The following APLP2 variants were observed in gnomAD, a reference collection of about 807,000 sequenced individuals.
The protein encoded by APLP2 is amyloid beta precursor like protein 2, also known as CDEI box-binding protein.
In APLP2, 53 loss-of-function variants were observed where a neutral mutation model predicts 89.9. That is an observed-to-expected ratio of 0.59 (90% confidence interval 0.47 to 0.74). The LOEUF (loss-of-function observed/expected upper bound fraction) is 0.74. Among genes scored for constraint, APLP2 ranks in the 30% least tolerant of loss-of-function variants. The probability of loss-of-function intolerance (pLI) is 0.00; values close to 1 mark genes in which losing one functional copy is unlikely to be tolerated. For synonymous variants in APLP2, 372 were observed against 348.6 expected (o/e 1.07, Z -0.75); for missense variants, 973 against 975.9 (o/e 1.00, Z 0.04).
chr11:130,133,673 C>T lies in APLP2; in HGVS notation c.1629C>T (p.Ser543=), dbSNP rs774255450. 1 of 1,614,156 alleles carries T rather than the reference C, an allele frequency of 6.2e-7. No individual in the cohort carries two copies. Among genetic ancestry groups the T allele is most frequent in the Non-Finnish European group, 8.5e-7 (1 of 1,179,996 alleles). The change falls in exon 12 of 17, where the codon AGC becomes AGT. Residue 543 remains serine, a synonymous_variant. Coordinates refer to ENST00000338167, the MANE Select transcript of APLP2 (RefSeq NM_001142276.2). The part of the protein sequence containing the change: ...LHVIEERRNQ[S]LSLLYKVPYV... Reference sequence around the variant, plus strand: ...TGATTGAAGAAAGGAGGAACCAAAGCCTCTCTCTGCTCTACAAAGTACCTT... The same window carrying T: ...TGATTGAAGAAAGGAGGAACCAAAGTCTCTCTCTGCTCTACAAAGTACCTT...
At chr11:130,100,475 A>G (rs1442398405) in intron 1 of APLP2, 3 of 151,956 alleles carry the variant, frequency 2.0e-5, no homozygotes, top group Non-Finnish European at 4.4e-5. Context: ...AAAGTATTTT[A>G]TGTATTTGTA....
At chr11:130,090,680 G>A (rs1194631151) in intron 1 of APLP2, among the ~76,000 whole-genome samples, 1 of 152,106 alleles carries the variant, frequency 6.6e-6, no homozygotes, top group Non-Finnish European at 1.5e-5. Context: ...CACAGACACG[G>A]CAACCATCCG....
rs376526065 is a variant in APLP2 at position 130,122,291 on chromosome 11, A to C, written c.714-14A>C. 2 of 1,609,836 alleles carry C rather than the reference A, an allele frequency of 1.2e-6. No individual in the cohort carries two copies. Among genetic ancestry groups the C allele is most frequent in the African/African-American group, 1.3e-5 (1 of 74,494 alleles). ...GAGCTATTAACCTTCCTTTTTTTCT[A>C]TTTTGGCCTTCAGTGAATTTCCTAC... is the stretch of plus-strand genomic sequence containing the variant. On this transcript the variant is annotated splice_polypyrimidine_tract_variant and intron_variant, in intron 5 of 16. Coordinates refer to ENST00000338167, the MANE Select transcript of APLP2 (RefSeq NM_001142276.2).
At chr11:130,127,948 A>G in intron 9 of APLP2, 108 bp downstream of exon 9, 1 of 874,992 alleles carries the variant, frequency 1.1e-6, no homozygotes, top group Non-Finnish European at 1.8e-6. Flanking sequence ...CTTTTAGGTG[A>G]GGGCTTACAA....
chr11:130,126,772 C>T lies in APLP2; in HGVS notation c.1163C>T (p.Ala388Val), dbSNP rs149448578. 1.2e-6 allele frequency: 2 copies of T among 1,614,096 alleles called. No individual in the cohort carries two copies. Among genetic ancestry groups the T allele is most frequent in the African/African-American group, 1.3e-5 (1 of 74,932 alleles). Reference protein sequence around the residue: ...FETSADDNEHARFQKAKEQLE... With the variant: ...FETSADDNEHVRFQKAKEQLE... ...ACCTCTGCAGATGATAATGAGCATG[C>T]TCGCTTCCAGAAGGCTAAGGAGCAG... The change falls in exon 8 of 17, where the codon GCT becomes GTT. Residue 388 changes from alanine (A) to valine (V), a missense_variant. Coordinates refer to ENST00000338167, the MANE Select transcript of APLP2 (RefSeq NM_001142276.2).
intron 1 of APLP2, among the ~76,000 whole-genome samples, chr11:130,094,489 G>A (rs984721382): frequency 6.6e-6 from 1 of 152,092 alleles, no homozygotes; most frequent in Non-Finnish European, 1.5e-5. Flanking sequence ...GCACCTGGCC[G>A]GGATTTACTT....
chr11:130,088,499 G>C (rs1014517216), intron 1 of APLP2, among the ~76,000 whole-genome samples: 2 of 151,974 alleles, frequency 1.3e-5, no homozygotes, highest in African/African-American at 4.8e-5. Flanking sequence ...AAGAAGGTTT[G>C]TAGAGCAAGC....
intron 7 of APLP2, among the ~76,000 whole-genome samples, chr11:130,125,237 G>A (rs867653799): frequency 1.3e-5 from 2 of 152,140 alleles, no homozygotes; most frequent in South Asian, 2.1e-4. Flanking sequence ...AAAGCATTTC[G>A]GCCCGCTGTC....
At chr11:130,078,696 C>T (rs1942579517) in intron 1 of APLP2, among the ~76,000 whole-genome samples, 1 of 151,970 alleles carries the variant, frequency 6.6e-6, no homozygotes, top group South Asian at 2.1e-4. Context: ...GATATCTGGC[C>T]TGCACCATTT....
At chr11:130,088,459 A>T (rs1396807063) in intron 1 of APLP2, among the ~76,000 whole-genome samples, 1 of 152,116 alleles carries the variant, frequency 6.6e-6, no homozygotes, top group Admixed American at 6.5e-5. Flanking sequence ...AGCAATGCGA[A>T]TCATCTAGGC....
chr11:130,090,520 C>G (rs1203157447), intron 1 of APLP2, among the ~76,000 whole-genome samples: 1 of 151,846 alleles, frequency 6.6e-6, no homozygotes, highest in African/African-American at 2.4e-5. Flanking sequence ...TTTGCACCGC[C>G]CTTAATCCAT....
chr11:130,097,474 G>A (rs1037125378), intron 1 of APLP2, among the ~76,000 whole-genome samples: 1 of 152,178 alleles, frequency 6.6e-6, no homozygotes, highest in African/African-American at 2.4e-5. Context: ...AGGGAGGATT[G>A]TTTGAGGCTG....
At chr11:130,090,875 G>A (rs1374172606) in intron 1 of APLP2, among the ~76,000 whole-genome samples, 4 of 148,762 alleles carry the variant, frequency 2.7e-5, no homozygotes, top group East Asian at 2.1e-4. Flanking sequence ...CGGACGGGGC[G>A]GTTGGCCGGG....
At chr11:130,079,004 G>T (rs1942635571) in intron 1 of APLP2, among the ~76,000 whole-genome samples, 1 of 151,892 alleles carries the variant, frequency 6.6e-6, no homozygotes, top group Non-Finnish European at 1.5e-5. Context: ...CTTTTGCTTT[G>T]GGTCTATAGT....
intron 1 of APLP2, among the ~76,000 whole-genome samples, chr11:130,086,433 A>G (rs1198667332): frequency 1.3e-5 from 2 of 152,162 alleles, no homozygotes; most frequent in Non-Finnish European, 2.9e-5. Context: ...TTAATTAGAT[A>G]TGTGATTTGT....
At chr11:130,099,037 A>G (rs530539519) in intron 1 of APLP2, among the ~76,000 whole-genome samples, 1 of 152,166 alleles carries the variant, frequency 6.6e-6, no homozygotes, top group African/African-American at 2.4e-5. Context: ...TAGTCAGCAC[A>G]CTCTTAATAA....
intron 1 of APLP2, among the ~76,000 whole-genome samples, chr11:130,105,387 C>T (rs1947538526): frequency 6.6e-6 from 1 of 151,842 alleles, no homozygotes; most frequent in Admixed American, 6.6e-5. Flanking sequence ...TTGCACTCCA[C>T]GTGGGTGACA....
intron 1 of APLP2, among the ~76,000 whole-genome samples, chr11:130,083,400 A>G (rs1442197170): frequency 6.6e-6 from 1 of 152,112 alleles, no homozygotes; most frequent in Admixed American, 6.5e-5. Context: ...TGCACAATGC[A>G]GTATTGTTAA....
At chr11:130,102,827 A>G (rs1947122726) in intron 1 of APLP2, among the ~76,000 whole-genome samples, 1 of 152,248 alleles carries the variant, frequency 6.6e-6, no homozygotes, top group Non-Finnish European at 1.5e-5. Context: ...TTGGATTGCT[A>G]AACTGTTCCC....
Sources: allele counts gnomAD v4.1 joint callset (sites outside exome capture counted in the v4.1 genomes callset), GRCh38; gene constraint gnomAD v4.1.1; transcripts MANE v1.5; gene names NCBI Gene and HGNC (gene_info 2026-07-23, HGNC 2026-07-21).